Variants in ZDHHC13 observed in about 807,000 individuals in gnomAD.
ZDHHC13 encodes the protein zDHHC palmitoyltransferase 13, also known as palmitoyltransferase ZDHHC13.
ZDHHC13 carries 85 observed loss-of-function variants against 86.0 expected under a neutral mutation model. The observed-to-expected ratio is 0.99, with a 90% CI of 0.83 to 1.18. The LOEUF (loss-of-function observed/expected upper bound fraction) is 1.18. Ranked by LOEUF, ZDHHC13 falls within the 50% of genes most tolerant of loss-of-function variation. ZDHHC13 has a pLI of 0.00. For synonymous variants in ZDHHC13, 263 were observed against 246.4 expected (o/e 1.07, Z -0.63); for missense variants, 711 against 730.2 (o/e 0.97, Z 0.30).
At chr11:19,157,770 C>T (rs1046158568) in intron 9 of ZDHHC13, among the ~76,000 whole-genome samples, 1 of 152,188 alleles carries the variant, frequency 6.6e-6, no homozygotes, top group African/African-American at 2.4e-5. Flanking sequence ...TAGTTGAAGC[C>T]TACATTATAA....
intron 1 of ZDHHC13, among the ~76,000 whole-genome samples, chr11:19,128,244 T>C (rs766656059): frequency 1.3e-5 from 2 of 152,180 alleles, no homozygotes; most frequent in African/African-American, 2.4e-5. Context: ...CTGATTTGGC[T>C]CTTGGCTTGA....
At chr11:19,140,826 A>G (rs896809555) in intron 1 of ZDHHC13, among the ~76,000 whole-genome samples, 7 of 151,264 alleles carry the variant, frequency 4.6e-5, no homozygotes, top group Admixed American at 1.3e-4. Context: ...ACAAAAAACC[A>G]AACACTGCAT....
intron 1 of ZDHHC13, among the ~76,000 whole-genome samples, chr11:19,137,094 A>G (rs1300383277): frequency 6.6e-6 from 1 of 152,214 alleles, no homozygotes; most frequent in Admixed American, 6.5e-5. Flanking sequence ...AATGGACTAA[A>G]TGCTCCAATT....
chr11:19,168,990 A>T (rs1226330654), intron 14 of ZDHHC13: 1 of 979,904 alleles, frequency 1.0e-6, no homozygotes, highest in African/African-American at 1.8e-5. Flanking sequence ...ACCATTAGCC[A>T]CTGGCCAGCT....
At chr11:19,136,748 T>C (rs556655086) in intron 1 of ZDHHC13, among the ~76,000 whole-genome samples, 3 of 151,838 alleles carry the variant, frequency 2.0e-5, no homozygotes, top group Non-Finnish European at 4.4e-5. Context: ...AGCCAGAAGA[T>C]AGTGGGGGCC....
chr11:19,130,130 A>C (rs115721539), intron 1 of ZDHHC13, among the ~76,000 whole-genome samples: 2,326 of 152,230 alleles, frequency 0.015, 49 homozygotes, highest in African/African-American at 0.052. Context: ...CTGTTTTCTG[A>C]AGGAGTTAGT....
intron 1 of ZDHHC13, among the ~76,000 whole-genome samples, chr11:19,125,831 C>T (rs1450301579): frequency 1.3e-5 from 2 of 152,114 alleles, no homozygotes; most frequent in Non-Finnish European, 2.9e-5. Flanking sequence ...GGAAGCCCCT[C>T]CTAAAAGATT....
At chr11:19,129,696 G>A (rs1590061947) in intron 1 of ZDHHC13, among the ~76,000 whole-genome samples, 1 of 151,964 alleles carries the variant, frequency 6.6e-6, no homozygotes, top group East Asian at 1.9e-4. Context: ...CTAATATTTT[G>A]TTTAGGATTT....
At chr11:19,159,836 A>T (rs1849861878) in intron 10 of ZDHHC13, among the ~76,000 whole-genome samples, 1 of 151,836 alleles carries the variant, frequency 6.6e-6, no homozygotes, top group African/African-American at 2.4e-5. Flanking sequence ...ACCATTTGTG[A>T]CTTCAGGTAG....
rs1850360829 is a variant in ZDHHC13 at position 19,176,211 on chromosome 11, A to C, written c.*251A>C. 3.1e-6 allele frequency: 1 copy of C among 321,044 alleles called. No homozygotes were observed. The highest frequency in any genetic ancestry group is 2.2e-5 in the African/African-American group (1 of 46,210). 19.9% of individuals were successfully genotyped at this position (321,044 alleles called of 1,614,324 possible). A position where few individuals can be genotyped will look rare whatever the true frequency, so the allele number is the denominator to read the frequency against. On this transcript the variant is annotated 3_prime_UTR_variant, in exon 17 of 17. Coordinates refer to ENST00000446113, the MANE Select transcript of ZDHHC13 (RefSeq NM_019028.3). ...TATTTTTCACAAGAAAATGCAAGTT[A>C]CTTTTTTTGGAAATAATACTCACTG...
chr11:19,165,258 C>A, intron 13 of ZDHHC13, 113 bp downstream of exon 13: 1 of 939,642 alleles, frequency 1.1e-6, no homozygotes, highest in Non-Finnish European at 1.6e-6. Flanking sequence ...TTCTAGTATT[C>A]CAATAGCAAT....
At chr11:19,166,719 G>GA (rs11341471) in intron 14 of ZDHHC13, 11 of 144,976 alleles carry the variant, frequency 7.6e-5, no homozygotes, top group Middle Eastern at 3.5e-3. Context: ...AATAAAACAG[G>GA]AAAAAAAAAA....
rs367938612 is a variant in ZDHHC13 at position 19,163,349 on chromosome 11, A to G, written c.1155A>G (p.Val385=). The G allele has an allele frequency of 1.1e-5, 17 of 1,603,924 alleles. No individual in the cohort carries two copies. The highest frequency in any genetic ancestry group is 1.3e-5 in the Non-Finnish European group (15 of 1,175,368). The change falls in exon 11 of 17, where the codon GTA becomes GTG. Residue 385 remains valine, a synonymous_variant. Transcript: ENST00000446113. ...ATTTCAGTTTCATTTTCAGCATAGT[A>G]GCCTTTCTATACTTTTTCTATAAGA... ...PFYFSFIFSI[V]AFLYFFYKTW... is the part of the protein sequence containing the mutation.
intron 14 of ZDHHC13, chr11:19,169,266 T>C: frequency 3.0e-6 from 3 of 985,426 alleles, no homozygotes; most frequent in Non-Finnish European, 3.6e-6. Context: ...ATCAGGTGCA[T>C]GGGATGCATC....
In ZDHHC13 at chr11:19,149,286, G is replaced by GT; in HGVS notation, c.477dup (p.Gln160SerfsTer47). 1 of 1,605,924 alleles carries GT rather than the reference G, an allele frequency of 6.2e-7. No homozygotes were observed. Among genetic ancestry groups the GT allele is most frequent in the South Asian group, 1.1e-5 (1 of 89,578 alleles). ...TCAGCAGCATCCACCTGGCAGTATT[G>GT]TTTCAACACATGCCTATTATAGCAT... On this transcript the variant is annotated frameshift_variant, in exon 5 of 17. Transcript: ENST00000446113. LOFTEE classifies it high-confidence loss of function.
intron 1 of ZDHHC13, among the ~76,000 whole-genome samples, chr11:19,131,553 T>G (rs1849000608): frequency 6.6e-6 from 1 of 152,218 alleles, no homozygotes; most frequent in Admixed American, 6.5e-5. Context: ...CCTTGTTGTT[T>G]CTTCAATTTA....
chr11:19,170,224 T>C, intron 14 of ZDHHC13, 187 bp from the exon 15 acceptor site: 1 of 1,403,402 alleles, frequency 7.1e-7, no homozygotes, highest in Non-Finnish European at 9.2e-7. Context: ...CAATTAACAT[T>C]GAGCCACCAT....
chr11:19,159,068 G>A, intron 10 of ZDHHC13, 28 bp downstream of exon 10: 4 of 1,472,768 alleles, frequency 2.7e-6, no homozygotes, highest in Non-Finnish European at 3.7e-6. Context: ...ATTTTGATGT[G>A]TATCTCATTT....
chr11:19,157,109 G>T (rs973274845), intron 9 of ZDHHC13, among the ~76,000 whole-genome samples: 1 of 152,212 alleles, frequency 6.6e-6, no homozygotes, highest in African/African-American at 2.4e-5. Context: ...AGTTGGATAT[G>T]TCATTCAGGC....
Sources: allele counts gnomAD v4.1 joint callset (sites outside exome capture counted in the v4.1 genomes callset), GRCh38; gene constraint gnomAD v4.1.1; transcripts MANE v1.5; gene names NCBI Gene and HGNC (gene_info 2026-07-23, HGNC 2026-07-21).